The following TIGIT variants were observed in gnomAD, a reference collection of about 807,000 sequenced individuals.
TIGIT encodes the protein T cell immunoreceptor with Ig and ITIM domains.
A neutral mutation model predicts 19.6 loss-of-function variants in TIGIT; 11 were observed. The observed-to-expected ratio is 0.56, with a 90% confidence interval of 0.35 to 0.93. The LOEUF is 0.93. TIGIT is among the 40% of genes least tolerant of loss of function. The pLI is 0.01. For synonymous variants in TIGIT, 130 were observed against 125.5 expected (o/e 1.04, Z -0.24); for missense variants, 295 against 303.9 (o/e 0.97, Z 0.22).
chr3:114,307,291 G>A (rs1471946412), intron 3 of TIGIT, among the ~76,000 whole-genome samples: 1 of 152,216 alleles, frequency 6.6e-6, no homozygotes, highest in Non-Finnish European at 1.5e-5. Context: ...GGAGCTCAGG[G>A]CAGAAGCCTG....
intron 2 of TIGIT, chr3:114,296,138 A>G: frequency 2.5e-6 from 1 of 395,788 alleles, no homozygotes; most frequent in East Asian, 4.3e-5. Context: ...GTTCTTATGT[A>G]AGAAGCACAT....
chr3:114,294,091 C>T lies in TIGIT; in HGVS notation c.30C>T (p.Ala10=). ...GCTGGTGTCTCCTCCTGATCTGGGC[C>T]CAGGGGCTGAGGCAGGCTCCCCTCG... MRWCLLLIW[A]QGLRQAPLAS... Residue 10 remains alanine, a synonymous_variant, in exon 1 of 4, where the codon GCC becomes GCT. Coordinates refer to ENST00000383671, the MANE Select transcript of TIGIT (RefSeq NM_173799.4). The T allele has an allele frequency of 1.3e-6, 2 of 1,554,950 alleles. No individual in the cohort carries two copies. Among genetic ancestry groups the T allele is most frequent in the South Asian group, 2.4e-5 (2 of 84,314 alleles).
rs562943878 is a variant in TIGIT, at chr3:114,308,883, G to A, written c.*752G>A. The A allele has an allele frequency of 6.6e-6, 1 of 152,396 alleles. No homozygotes were observed. The highest frequency in any genetic ancestry group is 2.4e-5 in the African/African-American group (1 of 41,584). 9.4% of individuals were successfully genotyped at this position (152,396 alleles called of 1,614,324 possible). A position where few individuals can be genotyped will look rare whatever the true frequency, so the allele number is the denominator to read the frequency against. ...TTCTTGGAGCTGAAAGTCCCACAAA[G>A]AAGGCCCTGGCACCAAGGGAGTCAG... On this transcript the variant is annotated 3_prime_UTR_variant, in exon 4 of 4. Coordinates refer to ENST00000383671, the MANE Select transcript of TIGIT (RefSeq NM_173799.4).
chr3:114,307,856 C>T (rs192445954), intron 3 of TIGIT, 39 bp from the exon 4 acceptor site: 6 of 1,555,148 alleles, frequency 3.9e-6, no homozygotes, highest in Non-Finnish European at 5.3e-6. Flanking sequence ...TGTTGAATAA[C>T]ATCCCCACAT....
At chr3:114,297,840 C>G (rs1344321308) in intron 2 of TIGIT, among the ~76,000 whole-genome samples, 2 of 152,184 alleles carry the variant, frequency 1.3e-5, no homozygotes, top group African/African-American at 4.8e-5. Flanking sequence ...GCAGCCTCCC[C>G]ACAAAGCCTG....
chr3:114,303,589 A>C (rs2078510168), intron 3 of TIGIT, among the ~76,000 whole-genome samples: 1 of 10,682 alleles, frequency 9.4e-5, no homozygotes, highest in Non-Finnish European at 4.0e-4. Context: ...ATATATATAC[A>C]TATATATGTA....
rs769049854 is a variant in TIGIT, at chr3:114,299,619, CCAGATTCCATTGCTTGGAGCCAT to C, written c.415_437del (p.Gln139GlyfsTer19). ...TAGTGGCTGAGCACGGTGCCAGGTT[CCAGATTCCATTGCTTGGAGCCAT>C]GGCCGCGACGCTGGTGGTCATCTGC... On this transcript the variant is annotated frameshift_variant, in exon 3 of 4. Coordinates refer to ENST00000383671, the MANE Select transcript of TIGIT (RefSeq NM_173799.4). LOFTEE classifies it high-confidence loss of function. 16 of 1,613,320 alleles carry C rather than the reference CCAGATTCCATTGCTTGGAGCCAT, an allele frequency of 9.9e-6. No individual in the cohort carries two copies. In the South Asian group the frequency reaches 1.8e-4, roughly 18 times the overall value.
At position 114,308,713 on chromosome 3, in the gene TIGIT, T is replaced by C. The variant is rs2078551983; in HGVS notation, c.*582T>C. The C allele has an allele frequency of 6.6e-6, 1 of 152,526 alleles. No homozygotes were observed. The highest frequency in any genetic ancestry group is 2.1e-4 in the South Asian group (1 of 4,836). 9.4% of individuals were successfully genotyped at this position (152,526 alleles called of 1,614,324 possible). ...ATTATAGTAAGGAGAGAAGGAGACA[T>C]ACACAGGCCTTCAGGAAGAGACGAC... On this transcript the variant is annotated 3_prime_UTR_variant, in exon 4 of 4. Coordinates refer to ENST00000383671, the MANE Select transcript of TIGIT (RefSeq NM_173799.4).
At chr3:114,300,793 G>A (rs911234883) in intron 3 of TIGIT, among the ~76,000 whole-genome samples, 1 of 152,050 alleles carries the variant, frequency 6.6e-6, no homozygotes, top group Non-Finnish European at 1.5e-5. Context: ...CTTTTAATTA[G>A]GAACTTACTC....
At chr3:114,307,186 A>G (rs1471595740) in intron 3 of TIGIT, among the ~76,000 whole-genome samples, 1 of 152,184 alleles carries the variant, frequency 6.6e-6, no homozygotes, top group Non-Finnish European at 1.5e-5. Flanking sequence ...TTGTTGGGGC[A>G]GGAATGTGAT....
chr3:114,297,261 C>T (rs536976292), intron 2 of TIGIT, among the ~76,000 whole-genome samples: 11 of 152,096 alleles, frequency 7.2e-5, no homozygotes, highest in Admixed American at 1.3e-4. Context: ...GTTGACCCCA[C>T]GAAGTCTGGG....
intron 2 of TIGIT, chr3:114,296,095 G>A (rs546261752): frequency 8.1e-6 from 4 of 490,816 alleles, no homozygotes; most frequent in African/African-American, 5.7e-5. Context: ...ATTTCCAGGT[G>A]ATTCTAATGG....
At chr3:114,305,108 A>G (rs1471370526) in intron 3 of TIGIT, among the ~76,000 whole-genome samples, 1 of 152,218 alleles carries the variant, frequency 6.6e-6, no homozygotes, top group African/African-American at 2.4e-5. Flanking sequence ...CAATTTAGCA[A>G]AAGTCAATTT....
chr3:114,301,348 A>T (rs2078490882), intron 3 of TIGIT, among the ~76,000 whole-genome samples: 1 of 152,180 alleles, frequency 6.6e-6, no homozygotes, highest in African/African-American at 2.4e-5. Context: ...GGCTGGTGCT[A>T]TTGGGAAAGT....
At chr3:114,305,391 C>G (rs1329816568) in intron 3 of TIGIT, among the ~76,000 whole-genome samples, 1 of 152,112 alleles carries the variant, frequency 6.6e-6, no homozygotes, top group Non-Finnish European at 1.5e-5. Context: ...GGAAATAGAG[C>G]CTGACATGCA....
intron 1 of TIGIT, 37 bp downstream of exon 1, chr3:114,294,159 A>G: frequency 6.6e-7 from 1 of 1,509,076 alleles, no homozygotes; most frequent in Non-Finnish European, 9.0e-7. Context: ...CAGGGAGGAA[A>G]AACAAGGCTA....
At position 114,307,900 on chromosome 3, in the gene TIGIT, A is replaced by G; in HGVS notation, c.504A>G (p.Lys168=). The change falls in exon 4 of 4, where the codon AAA becomes AAG. Residue 168 remains lysine (K), a synonymous_variant. Coordinates refer to ENST00000383671, the MANE Select transcript of TIGIT (RefSeq NM_173799.4). ...IVVVALTRKK[K]ALRIHSVEGD... ...TGTAGTTTGTTTGTTTTTAGAAGAA[A>G]GCCCTCAGAATCCATTCTGTGGAAG... 6.2e-7 allele frequency: 1 copy of G among 1,613,610 alleles called. No homozygotes were observed. The highest frequency in any genetic ancestry group is 8.5e-7 in the Non-Finnish European group (1 of 1,179,532).
At chr3:114,300,194 G>A (rs1383670142) in intron 3 of TIGIT, among the ~76,000 whole-genome samples, 4 of 152,184 alleles carry the variant, frequency 2.6e-5, no homozygotes, top group African/African-American at 9.7e-5. Context: ...GATATGGCTG[G>A]TGCTATTGGG....
rs2078438893 is a variant in TIGIT, at chr3:114,294,166, G to T, written c.61+44G>T. The T allele has an allele frequency of 2.0e-6, 3 of 1,486,128 alleles. No individual in the cohort carries two copies. In the African/African-American group the frequency reaches 4.2e-5, roughly 21 times the overall value. 92.1% of individuals were successfully genotyped at this position (1,486,128 alleles called of 1,614,324 possible). On this transcript the variant is annotated intron_variant, in intron 1 of 3. Coordinates refer to ENST00000383671, the MANE Select transcript of TIGIT (RefSeq NM_173799.4). ...CAGAGCAGCAGGGAGGAAAAACAAG[G>T]CTAAGCTTGGTTGGAGACTTGGGTG...
Sources: gnomAD v4.1 joint callset for allele counts (sites outside exome capture counted in the v4.1 genomes callset) on GRCh38, gnomAD v4.1.1 for gene constraint, MANE v1.5 for transcripts, NCBI Gene and HGNC (gene_info 2026-07-23, HGNC 2026-07-21) for gene names.